Variants in CHD7 observed in about 807,000 individuals in gnomAD.
CHD7 encodes the protein chromodomain helicase DNA binding protein 7, also known as ATP-dependent chromatin remodeler CHD7.
A neutral mutation model predicts 307.3 loss-of-function variants in CHD7; 24 were observed. The ratio of observed to expected loss-of-function variants is 0.08; its 90% CI spans 0.06 to 0.11. The LOEUF (loss-of-function observed/expected upper bound fraction) is 0.11. CHD7 is among the 10% of genes least tolerant of loss of function. CHD7 has a pLI of 1.00. For synonymous variants in CHD7, 1,363 were observed against 1,349.9 expected, an observed-to-expected ratio of 1.01 and a Z score of -0.21; for missense variants, 3,106 against 3,727.1, an observed-to-expected ratio of 0.83 and a Z score of 4.34.
chr8:60,850,121 G>A (rs980324063), intron 25 of CHD7, among the ~76,000 whole-genome samples: 1 of 152,098 alleles, frequency 6.6e-6, no homozygotes, highest in African/African-American at 2.4e-5. Flanking sequence ...GGATGGGGGT[G>A]GACTCAGTGC....
At chr8:60,844,175 T>G (rs1200463575) in intron 21 of CHD7, among the ~76,000 whole-genome samples, 2 of 152,224 alleles carry the variant, frequency 1.3e-5, no homozygotes, top group South Asian at 4.1e-4. Flanking sequence ...CAGCACTGTT[T>G]AGCCTGGGAT....
chr8:60,795,818 T>C (rs965059249), intron 4 of CHD7, among the ~76,000 whole-genome samples: 2 of 152,190 alleles, frequency 1.3e-5, no homozygotes, highest in African/African-American at 4.8e-5. Context: ...ATTATTTCCT[T>C]GTTAGGTTCC....
chr8:60,820,161 A>G, intron 9 of CHD7, 71 bp downstream of exon 9: 1 of 968,432 alleles, frequency 1.0e-6, no homozygotes, highest in Non-Finnish European at 1.6e-6. Flanking sequence ...AGAAGATGGT[A>G]GAATCCTAGA....
In CHD7 at chr8:60,821,724, A is replaced by G. The variant is rs1804050115; in HGVS notation, c.2698-66A>G. 2.2e-6 allele frequency: 3 copies of G among 1,371,300 alleles called. No homozygotes were observed. The East Asian group carries it at 7.5e-5, about 35-fold the overall frequency. 84.9% of individuals were successfully genotyped at this position (1,371,300 alleles called of 1,614,324 possible). On this transcript the variant is annotated intron_variant, in intron 9 of 37. Transcript: ENST00000423902. ...TATATGTATAAACATATATATACAC[A>G]TATATATGTATATGTATGTATGTGG...
chr8:60,816,324 T>C, intron 7 of CHD7, 63 bp from the exon 8 acceptor site: 1 of 933,640 alleles, frequency 1.1e-6, no homozygotes, highest in Non-Finnish European at 1.6e-6. Flanking sequence ...CTTTTTTGAA[T>C]AAGACATAAT....
chr8:60,768,158 C>T (rs79984751), intron 2 of CHD7, among the ~76,000 whole-genome samples: 3,993 of 152,108 alleles, frequency 0.026, 176 homozygotes, highest in African/African-American at 0.091. Flanking sequence ...TTTTTACTTC[C>T]CCCACCCCGT....
Position 60,865,534 on chromosome 8 carries a change from G to T in CHD7, c.8595G>T (p.Ser2865=). Residue 2865 remains serine (S), a synonymous_variant, in exon 38 of 38, where the codon TCG becomes TCT. Transcript: ENST00000423902. The surrounding 1 kb of genome is among the most constrained non-coding windows in gnomAD (Gnocchi z 4.3). ...KDSEKSTDAV[S]AADSANGSVG... ...CTGAGAAAAGCACAGATGCTGTTTC[G>T]GCTGCTGACTCTGCGAATGGATCTG... is the stretch of plus-strand genomic sequence containing the variant. 9 of 1,614,056 alleles carry T rather than the reference G, an allele frequency of 5.6e-6. No homozygotes were observed. Among genetic ancestry groups the T allele is most frequent in the Non-Finnish European group, 7.6e-6 (9 of 1,179,916 alleles).
At chr8:60,746,081 C>G (rs2150586846) in intron 2 of CHD7, among the ~76,000 whole-genome samples, 2 of 152,284 alleles carry the variant, frequency 1.3e-5, no homozygotes, top group East Asian at 3.9e-4. Context: ...TGTTGCCAGG[C>G]TGGAGTCAGT....
intron 35 of CHD7, chr8:60,861,714 GTA>G (rs1563669994): frequency 6.5e-6 from 1 of 153,740 alleles, no homozygotes; most frequent in Non-Finnish European, 1.4e-5. Context: ...AAACTTAAAT[GTA>G]GAGTTTTACA....
chr8:60,858,249 C>G (rs1203650270), intron 34 of CHD7, among the ~76,000 whole-genome samples: 1 of 151,156 alleles, frequency 6.6e-6, no homozygotes, highest in Non-Finnish European at 1.5e-5. Context: ...GAGTGAGACT[C>G]TGTCTCAAAA....
At chr8:60,737,521 A>G (rs768096352) in intron 1 of CHD7, among the ~76,000 whole-genome samples, 1 of 152,164 alleles carries the variant, frequency 6.6e-6, no homozygotes. Flanking sequence ...AGTGCTTCCT[A>G]ACTCTGAAAT....
rs547184791 is a variant in CHD7, at chr8:60,749,628, G to A, written c.1665+6531G>A. ...TAAAAAAAAATCAGCTTTTACCTAA[G>A]TGGTATTCAGGGGCTTTTGCAGGTA... On this transcript the variant is annotated intron_variant, in intron 2 of 37. Transcript: ENST00000423902. Among the ~76,000 whole-genome samples, 9 of 152,198 alleles carry A rather than the reference G, an allele frequency of 5.9e-5. No individual in the cohort carries two copies. The South Asian group carries it at 1.2e-3, about 21-fold the overall frequency.
Position 60,865,429 on chromosome 8 carries a change from T to A in CHD7, c.8490T>A (p.Ala2830=), listed in dbSNP as rs775585534. ...CTGCTACTGGAAACACCACTACTGC[T>A]TCTAGTCAAGGAGAACCGGAAGACA... The part of the protein sequence containing the change: ...LSAATGNTTT[A]SSQGEPEDST... The change falls in exon 38 of 38, where the codon GCT becomes GCA. Residue 2830 remains alanine (A), a synonymous_variant. Transcript: ENST00000423902. The surrounding 1 kb of genome is among the most constrained non-coding windows in gnomAD (Gnocchi z 4.3). 6.2e-7 allele frequency: 1 copy of A among 1,613,912 alleles called. No homozygotes were observed. Among genetic ancestry groups the A allele is most frequent in the South Asian group, 1.1e-5 (1 of 91,074 alleles).
At chr8:60,745,641 TATTTCTGCTTAACTTTGCA>T (rs1395868189) in intron 2 of CHD7, among the ~76,000 whole-genome samples, 1 of 152,248 alleles carries the variant, frequency 6.6e-6, no homozygotes, top group East Asian at 1.9e-4. Flanking sequence ...TTTGCTTTCT[TATTTCTGCTTAACTTTGCA>T]TCCTCTTCAG....
chr8:60,690,634 A>T (rs1806147693), intron 1 of CHD7, among the ~76,000 whole-genome samples: 1 of 152,212 alleles, frequency 6.6e-6, no homozygotes, highest in Non-Finnish European at 1.5e-5. Context: ...AAATACATTA[A>T]TAAGGACACA....
At position 60,753,661 on chromosome 8, in the gene CHD7, C is replaced by A. The variant is rs192100270; in HGVS notation, c.1665+10564C>A. The stretch of plus-strand genomic sequence containing the variant: ...TTTGAGATGGAGTCTTGCTCTGTCG[C>A]CCAGGAGATGGAGTTTGCAGTGGTG... On this transcript the variant is annotated intron_variant, in intron 2 of 37. Coordinates refer to ENST00000423902, the MANE Select transcript of CHD7 (RefSeq NM_017780.4). Among the ~76,000 whole-genome samples the A allele has an allele frequency of 2.0e-3, 304 of 151,588 alleles. 1 individual carries two copies. The highest frequency in any genetic ancestry group is 3.3e-3 in the Non-Finnish European group (226 of 67,666).
chr8:60,802,649 A>C (rs1390801951), intron 6 of CHD7, among the ~76,000 whole-genome samples: 1 of 152,158 alleles, frequency 6.6e-6, no homozygotes, highest in Non-Finnish European at 1.5e-5. Context: ...ATCCTGCCTA[A>C]AGTTGTTTAT....
At chr8:60,761,574 A>C (rs1051109679) in intron 2 of CHD7, among the ~76,000 whole-genome samples, 5 of 151,824 alleles carry the variant, frequency 3.3e-5, no homozygotes, top group Admixed American at 6.6e-5. Flanking sequence ...ATTCATAATC[A>C]GACCATGTTT....
intron 32 of CHD7, among the ~76,000 whole-genome samples, chr8:60,855,640 G>T (rs1051196053): frequency 1.3e-5 from 2 of 152,248 alleles, no homozygotes; most frequent in Admixed American, 1.3e-4. Flanking sequence ...GCTCTATGGA[G>T]CTTGTACAAG....
Sources: gnomAD v4.1 joint callset for allele counts (sites outside exome capture counted in the v4.1 genomes callset) on GRCh38, gnomAD v4.1.1 for gene constraint, Gnocchi (gnomAD v3.1) non-coding constraint, MANE v1.5 for transcripts, NCBI Gene and HGNC (gene_info 2026-07-23, HGNC 2026-07-21) for gene names.